The following GRXCR1 variants were observed in gnomAD, a reference collection of about 807,000 sequenced individuals.
GRXCR1 encodes the protein glutaredoxin domain-containing cysteine-rich protein 1.
In GRXCR1, 27 loss-of-function variants were observed where a neutral mutation model predicts 27.3. The observed-to-expected ratio is 0.99, with a 90% CI of 0.73 to 1.37. The LOEUF (loss-of-function observed/expected upper bound fraction) is 1.37, where lower values mean the gene tolerates loss of function less well. GRXCR1 is among the 40% of genes most tolerant of loss of function. The probability of loss-of-function intolerance (pLI) is 0.00; values close to 1 mark genes in which losing one functional copy is unlikely to be tolerated. For synonymous variants in GRXCR1, 122 were observed against 131.1 expected, an observed-to-expected ratio of 0.93 and a Z score of 0.47; for missense variants, 379 against 354.4, an observed-to-expected ratio of 1.07 and a Z score of -0.56.
At chr4:42,903,543 A>G (rs1258911741) in intron 1 of GRXCR1, among the ~76,000 whole-genome samples, 1 of 146,962 alleles carries the variant, frequency 6.8e-6, no homozygotes, top group Non-Finnish European at 1.5e-5. Context: ...CTATCTCCAG[A>G]CCTTGTGATC....
At chr4:42,906,876 A>T (rs1019130151) in intron 1 of GRXCR1, among the ~76,000 whole-genome samples, 1 of 152,154 alleles carries the variant, frequency 6.6e-6, no homozygotes, top group Non-Finnish European at 1.5e-5. Flanking sequence ...ATGAAAAAAC[A>T]TTTGTCCCCG....
At chr4:42,901,220 C>T (rs532767049) in intron 1 of GRXCR1, among the ~76,000 whole-genome samples, 5 of 152,256 alleles carry the variant, frequency 3.3e-5, no homozygotes, top group South Asian at 2.1e-4. Flanking sequence ...ACTACTCACC[C>T]GGTGTATTAG....
At chr4:42,974,162 G>A (rs1490779431) in intron 2 of GRXCR1, among the ~76,000 whole-genome samples, 2 of 152,112 alleles carry the variant, frequency 1.3e-5, no homozygotes, top group African/African-American at 2.4e-5. Flanking sequence ...ATCTCCTTGA[G>A]GAGTTCTGGG....
intron 2 of GRXCR1, among the ~76,000 whole-genome samples, chr4:43,018,807 A>T (rs1052458630): frequency 3.3e-5 from 5 of 152,192 alleles, no homozygotes; most frequent in Admixed American, 2.6e-4. Flanking sequence ...GTTACCAGTT[A>T]TTACTACATT....
At chr4:43,005,657 T>C (rs1362111043) in intron 2 of GRXCR1, among the ~76,000 whole-genome samples, 1 of 152,150 alleles carries the variant, frequency 6.6e-6, no homozygotes, top group Non-Finnish European at 1.5e-5. Flanking sequence ...ACTGAGTTAT[T>C]CTAACACTAA....
intron 2 of GRXCR1, among the ~76,000 whole-genome samples, chr4:42,994,925 A>G: frequency 6.6e-6 from 1 of 152,268 alleles, no homozygotes; most frequent in African/African-American, 2.4e-5. Context: ...AAAATGCTTA[A>G]TATTACTGTC....
intron 1 of GRXCR1, among the ~76,000 whole-genome samples, chr4:42,898,596 C>G (rs948580820): frequency 1.3e-5 from 2 of 152,010 alleles, no homozygotes; most frequent in Non-Finnish European, 2.9e-5. Context: ...TTGGACCACT[C>G]TGGGAAAATA....
At position 43,010,170 on chromosome 4, in the gene GRXCR1, G is replaced by A. The variant is rs140486181; in HGVS notation, c.628-10184G>A. 6.6e-4 allele frequency among the ~76,000 whole-genome samples: 100 copies of A among 152,292 alleles called. 1 individual carries two copies. Among genetic ancestry groups the A allele is most frequent in the African/African-American group, 2.3e-3 (97 of 41,566 alleles). ...TAATCCCAGCACTTTGGGAGGCCAA[G>A]ATGGGTGGATCACCTGAGGTCAGGA... On this transcript the variant is annotated intron_variant, in intron 2 of 3. Transcript: ENST00000399770.
chr4:42,949,642 C>T (rs28664830), intron 1 of GRXCR1, among the ~76,000 whole-genome samples: 187 of 152,200 alleles, frequency 1.2e-3, no homozygotes, highest in African/African-American at 4.2e-3. Flanking sequence ...TTAAAGGACT[C>T]GCTATTTATA....
At chr4:43,015,916 C>G (rs1252480614) in intron 2 of GRXCR1, among the ~76,000 whole-genome samples, 1 of 151,928 alleles carries the variant, frequency 6.6e-6, no homozygotes, top group Non-Finnish European at 1.5e-5. Context: ...TTAATAGTTT[C>G]AAATGTTGAT....
At chr4:42,895,971 C>T (rs769207152) in intron 1 of GRXCR1, among the ~76,000 whole-genome samples, 18 of 152,046 alleles carry the variant, frequency 1.2e-4, no homozygotes, top group Non-Finnish European at 2.5e-4. Context: ...AGTGAGCAGT[C>T]GGTATCTTGG....
intron 2 of GRXCR1, among the ~76,000 whole-genome samples, chr4:42,982,310 G>A (rs1329454313): frequency 7.0e-6 from 1 of 143,328 alleles, no homozygotes; most frequent in South Asian, 2.3e-4. Context: ...GCGGTGTTTG[G>A]TTTTTTGTTC....
At chr4:42,933,335 G>C (rs553634347) in intron 1 of GRXCR1, among the ~76,000 whole-genome samples, 1 of 151,852 alleles carries the variant, frequency 6.6e-6, no homozygotes, top group Non-Finnish European at 1.5e-5. Context: ...CTGGAGAACA[G>C]CTGGAAGAAG....
At chr4:42,932,643 G>T (rs1747355197) in intron 1 of GRXCR1, among the ~76,000 whole-genome samples, 1 of 136,456 alleles carries the variant, frequency 7.3e-6, no homozygotes, top group Non-Finnish European at 1.6e-5. Context: ...GAGAGAGAGA[G>T]AGAGAGAGAG....
intron 3 of GRXCR1, among the ~76,000 whole-genome samples, chr4:43,026,053 T>C (rs1713249881): frequency 7.5e-6 from 1 of 133,100 alleles, no homozygotes; most frequent in East Asian, 2.0e-4. Context: ...TTGTTACTAG[T>C]TGTAATGTTA....
chr4:42,939,760 A>G (rs1747566894), intron 1 of GRXCR1, among the ~76,000 whole-genome samples: 1 of 151,982 alleles, frequency 6.6e-6, no homozygotes, highest in Admixed American at 6.6e-5. Context: ...GAGGGAGAAG[A>G]TTCCATTATA....
Position 42,971,017 on chromosome 4 carries a change from C to T in GRXCR1, c.627+7883C>T, listed in dbSNP as rs549694683. Among the ~76,000 whole-genome samples the T allele has an allele frequency of 1.4e-4, 22 of 152,180 alleles. No homozygotes were observed. In the South Asian group the frequency reaches 2.5e-3, roughly 17 times the overall value. On this transcript the variant is annotated intron_variant, in intron 2 of 3. Coordinates refer to ENST00000399770, the MANE Select transcript of GRXCR1 (RefSeq NM_001080476.3). Reference sequence around the variant, plus strand: ...TTGCTGCTTAGAAATTTCTTCTGCCCGGATACCCTAAATCATCAATTTCTA... The same window carrying T: ...TTGCTGCTTAGAAATTTCTTCTGCCTGGATACCCTAAATCATCAATTTCTA...
intron 2 of GRXCR1, among the ~76,000 whole-genome samples, chr4:42,970,690 C>T (rs1453670618): frequency 1.3e-5 from 2 of 152,156 alleles, no homozygotes; most frequent in East Asian, 1.9e-4. Flanking sequence ...CCTCCTAGGC[C>T]TCTGGGTCTG....
At chr4:42,938,151 C>T (rs1175318320) in intron 1 of GRXCR1, among the ~76,000 whole-genome samples, 1 of 151,862 alleles carries the variant, frequency 6.6e-6, no homozygotes, top group Non-Finnish European at 1.5e-5. Flanking sequence ...AATATTTAGC[C>T]CCAATAAATG....
Sources: allele counts gnomAD v4.1 joint callset (sites outside exome capture counted in the v4.1 genomes callset), GRCh38; gene constraint gnomAD v4.1.1; transcripts MANE v1.5; gene names NCBI Gene and HGNC (gene_info 2026-07-23, HGNC 2026-07-21).